The following DLGAP1 variants were observed in gnomAD, a reference collection of about 807,000 sequenced individuals.
The protein encoded by DLGAP1 is DLG associated protein 1, also known as disks large-associated protein 1.
In DLGAP1, 11 loss-of-function variants were observed where a neutral mutation model predicts 90.8. That is an observed-to-expected ratio of 0.12 (90% CI 0.08 to 0.20). The LOEUF is 0.20. Ranked by LOEUF, DLGAP1 falls within the 10% of genes least tolerant of loss-of-function variation. DLGAP1 has a pLI of 1.00. For synonymous variants in DLGAP1, 558 were observed against 540.7 expected, an observed-to-expected ratio of 1.03 and a Z score of -0.44; for missense variants, 1,050 against 1,333.8, an observed-to-expected ratio of 0.79 and a Z score of 3.31.
At chr18:4,068,158 C>T (rs1326664912) in intron 2 of DLGAP1, among the ~76,000 whole-genome samples, 1 of 151,846 alleles carries the variant, frequency 6.6e-6, no homozygotes, top group Non-Finnish European at 1.5e-5. Context: ...ACTATATACA[C>T]ACTAATCTTC....
chr18:4,389,451 A>G (rs1436547081), intron 1 of DLGAP1, among the ~76,000 whole-genome samples: 2 of 152,158 alleles, frequency 1.3e-5, no homozygotes, highest in African/African-American at 4.8e-5. Context: ...CAAAAATATG[A>G]ATGTACTTAA....
chr18:4,212,542 C>A (rs145007850), intron 1 of DLGAP1, among the ~76,000 whole-genome samples: 1 of 145,858 alleles, frequency 6.9e-6, no homozygotes, highest in African/African-American at 2.5e-5. Context: ...TGTGGTGGTG[C>A]GTGCCTGTAA....
At chr18:4,446,510 G>C (rs1465153826) in intron 1 of DLGAP1, among the ~76,000 whole-genome samples, 4 of 152,066 alleles carry the variant, frequency 2.6e-5, no homozygotes, top group African/African-American at 4.8e-5. Flanking sequence ...TAATGAGTAA[G>C]AAATTAAGAC....
At chr18:4,095,012 G>A (rs528356018) in intron 2 of DLGAP1, among the ~76,000 whole-genome samples, 3 of 152,174 alleles carry the variant, frequency 2.0e-5, no homozygotes, top group Non-Finnish European at 2.9e-5. Flanking sequence ...CCTTCTTCCC[G>A]TTCATTCAGT....
At chr18:3,736,512 G>A (rs147380904) in intron 6 of DLGAP1, among the ~76,000 whole-genome samples, 224 of 152,234 alleles carry the variant, frequency 1.5e-3, no homozygotes, top group African/African-American at 5.1e-3. Context: ...GTTTTAAAGG[G>A]AAATAAGATA....
intron 10 of DLGAP1, 98 bp downstream of exon 10, chr18:3,534,096 T>C (rs890380076): frequency 2.2e-6 from 3 of 1,370,848 alleles, no homozygotes; most frequent in Non-Finnish European, 3.0e-6. Context: ...GTCAAGGTTA[T>C]ACAAGTGAAG....
intron 1 of DLGAP1, among the ~76,000 whole-genome samples, chr18:4,388,394 T>C (rs1368954638): frequency 6.6e-6 from 1 of 152,090 alleles, no homozygotes; most frequent in Non-Finnish European, 1.5e-5. Context: ...TAGATGGATA[T>C]GCAGCTTGGA....
Position 3,729,491 on chromosome 18 carries a change from C to T in DLGAP1, c.1351-116G>A. 1.5e-6 allele frequency: 2 copies of T among 1,376,330 alleles called. No homozygotes were observed. The highest frequency in any genetic ancestry group is 1.9e-4 in the Middle Eastern group (1 of 5,380). 85.3% of individuals were successfully genotyped at this position (1,376,330 alleles called of 1,614,324 possible). On this transcript the variant is annotated intron_variant, in intron 6 of 12. Coordinates refer to ENST00000315677, the MANE Select transcript of DLGAP1 (RefSeq NM_004746.4). This position sits in a 1 kb window ranked among gnomAD's most constrained non-coding sequence, Gnocchi z 6.2. The stretch of plus-strand genomic sequence containing the variant: ...AAAAGCAGCGTCTGGTTAGATTAAG[C>T]TCAAATGCATTTTATTTCCTTTCTG...
chr18:4,163,771 G>A (rs2076886643), intron 1 of DLGAP1, among the ~76,000 whole-genome samples: 1 of 152,208 alleles, frequency 6.6e-6, no homozygotes, highest in South Asian at 2.1e-4. Flanking sequence ...AAAATGCCGT[G>A]AGAGAGTTAC....
At chr18:4,141,266 G>C (rs1007263618) in intron 2 of DLGAP1, among the ~76,000 whole-genome samples, 1 of 151,678 alleles carries the variant, frequency 6.6e-6, no homozygotes, top group African/African-American at 2.4e-5. Context: ...TAATTTATTA[G>C]GTGAAAATAA....
At chr18:3,931,966 C>T (rs2072526130) in intron 3 of DLGAP1, among the ~76,000 whole-genome samples, 1 of 152,172 alleles carries the variant, frequency 6.6e-6, no homozygotes, top group South Asian at 2.1e-4. Context: ...ACATCCTCTG[C>T]TGTGCACCCT....
At chr18:4,212,529 A>C (rs2077865117) in intron 1 of DLGAP1, among the ~76,000 whole-genome samples, 1 of 134,990 alleles carries the variant, frequency 7.4e-6, no homozygotes, top group East Asian at 2.5e-4. Context: ...AAAAAAATCC[A>C]GGTGTGGTGG....
intron 3 of DLGAP1, among the ~76,000 whole-genome samples, chr18:3,959,819 GTAT>G: frequency 6.6e-6 from 1 of 152,256 alleles, no homozygotes; most frequent in South Asian, 2.1e-4. Flanking sequence ...GCATCTAAAT[GTAT>G]TATTATTTCA....
chr18:4,059,984 G>A (rs1261964467), intron 2 of DLGAP1, among the ~76,000 whole-genome samples: 1 of 152,164 alleles, frequency 6.6e-6, no homozygotes, highest in Non-Finnish European at 1.5e-5. Flanking sequence ...TAGAAGCCAG[G>A]CCACTGGAAG....
At chr18:4,045,914 A>G (rs1428698701) in intron 2 of DLGAP1, among the ~76,000 whole-genome samples, 1 of 151,330 alleles carries the variant, frequency 6.6e-6, no homozygotes, top group African/African-American at 2.4e-5. Flanking sequence ...TGCTGGGGTT[A>G]TATGTGTGAG....
At chr18:3,954,345 A>G (rs987336230) in intron 3 of DLGAP1, among the ~76,000 whole-genome samples, 1 of 152,246 alleles carries the variant, frequency 6.6e-6, no homozygotes, top group Non-Finnish European at 1.5e-5. Flanking sequence ...AAGCTCTGAT[A>G]CTAAGCTGCC....
At chr18:4,049,816 T>TTCCA (rs1258739372) in intron 2 of DLGAP1, among the ~76,000 whole-genome samples, 7 of 152,002 alleles carry the variant, frequency 4.6e-5, no homozygotes, top group Non-Finnish European at 1.0e-4. Context: ...CCTTCCATCT[T>TTCCA]TCCATCCATC....
In DLGAP1 at chr18:3,567,516, C is replaced by A. The variant is rs751508081; in HGVS notation, c.2031G>T (p.Val677=). The change falls in exon 9 of 13, where the codon GTG becomes GTT. Residue 677 remains valine (V), a synonymous_variant. Coordinates refer to ENST00000315677, the MANE Select transcript of DLGAP1 (RefSeq NM_004746.4). ...ENKAPSKFQS[V]GVQVEEEKCF... is the part of the protein sequence containing the mutation. Reference sequence around the variant, plus strand: ...ACTTCTCTTCTTCTACTTGCACTCCCACGGACTGGAACTTACTGGGTGCTT... The same window carrying A: ...ACTTCTCTTCTTCTACTTGCACTCCAACGGACTGGAACTTACTGGGTGCTT... The A allele has an allele frequency of 4.3e-6, 7 of 1,613,900 alleles. No homozygotes were observed. The East Asian group carries it at 1.6e-4, about 36-fold the overall frequency.
At chr18:4,035,173 A>G (rs915871186) in intron 2 of DLGAP1, among the ~76,000 whole-genome samples, 2 of 152,158 alleles carry the variant, frequency 1.3e-5, no homozygotes, top group Non-Finnish European at 2.9e-5. Flanking sequence ...CATGATTTAT[A>G]ATCCTTTGGG....
Sources: gnomAD v4.1 joint callset for allele counts (sites outside exome capture counted in the v4.1 genomes callset) on GRCh38, gnomAD v4.1.1 for gene constraint, Gnocchi (gnomAD v3.1) non-coding constraint, MANE v1.5 for transcripts, NCBI Gene and HGNC (gene_info 2026-07-23, HGNC 2026-07-21) for gene names.